The following DGLUCY variants were observed in gnomAD, a reference collection of about 807,000 sequenced individuals.
The protein encoded by DGLUCY is D-glutamate cyclase, also known as D-glutamate cyclase, mitochondrial.
Under a neutral mutation model 58.5 loss-of-function variants are expected in DGLUCY, and 58 were observed. That is an observed-to-expected ratio of 0.99 (90% CI 0.80 to 1.23). The LOEUF (loss-of-function observed/expected upper bound fraction) is 1.23, where lower values mean the gene tolerates loss of function less well. Ranked by LOEUF, DGLUCY falls within the 50% of genes most tolerant of loss-of-function variation. The pLI, the probability that DGLUCY is intolerant of heterozygous loss-of-function variation, is 0.00. For synonymous variants in DGLUCY, 325 were observed against 314.1 expected, an observed-to-expected ratio of 1.03 and a Z score of -0.37; for missense variants, 779 against 784.7, an observed-to-expected ratio of 0.99 and a Z score of 0.09.
At chr14:91,143,954 A>G (rs1264655151) in intron 1 of DGLUCY, among the ~76,000 whole-genome samples, 1 of 152,140 alleles carries the variant, frequency 6.6e-6, no homozygotes, top group Non-Finnish European at 1.5e-5. Context: ...TGTCCTTTCC[A>G]TCCAGCTCTG....
At chr14:91,116,974 TAGAGC>T (rs1441411614) in intron 1 of DGLUCY, among the ~76,000 whole-genome samples, 1 of 149,672 alleles carries the variant, frequency 6.7e-6, no homozygotes, top group African/African-American at 2.5e-5. Flanking sequence ...ACTCCATAGG[TAGAGC>T]AGTGGCATGG....
intron 1 of DGLUCY, among the ~76,000 whole-genome samples, chr14:91,077,379 A>AAAGG (rs201263610): frequency 6.7e-6 from 1 of 148,220 alleles, no homozygotes; most frequent in East Asian, 2.0e-4. Context: ...GGAAGGAAGG[A>AAAGG]AAGGAAGGAA....
chr14:91,157,208 T>TGGGTG (rs1224750867), intron 1 of DGLUCY, among the ~76,000 whole-genome samples: 25 of 147,384 alleles, frequency 1.7e-4, no homozygotes, highest in African/African-American at 6.5e-4. Flanking sequence ...GATGGATGAA[T>TGGGTG]GAATGGGTGG....
At chr14:91,141,128 A>G (rs566116224) in intron 1 of DGLUCY, among the ~76,000 whole-genome samples, 29 of 152,058 alleles carry the variant, frequency 1.9e-4, no homozygotes, top group African/African-American at 5.3e-4. Flanking sequence ...GCTCACACCT[A>G]TAATCCCAGC....
intron 1 of DGLUCY, among the ~76,000 whole-genome samples, chr14:91,135,567 T>C (rs1319144460): frequency 6.7e-6 from 1 of 150,228 alleles, no homozygotes; most frequent in Non-Finnish European, 1.5e-5. Context: ...GGAGAATCAC[T>C]TGAACCTGGG....
chr14:91,204,359 C>T (rs1046405976), intron 11 of DGLUCY, among the ~76,000 whole-genome samples: 4 of 152,142 alleles, frequency 2.6e-5, no homozygotes, highest in Non-Finnish European at 2.9e-5. Context: ...CCGGGGGGCT[C>T]AGTGAGCGGG....
intron 1 of DGLUCY, among the ~76,000 whole-genome samples, chr14:91,100,982 ACT>A (rs1566940299): frequency 6.6e-6 from 1 of 150,538 alleles, no homozygotes; most frequent in Non-Finnish European, 1.5e-5. Context: ...GAAGCAGGAG[ACT>A]CTCTTGAACT....
At chr14:91,195,670 GTTTTTTTT>G (rs1207157314) in intron 9 of DGLUCY, among the ~76,000 whole-genome samples, 2 of 120,672 alleles carry the variant, frequency 1.7e-5, no homozygotes, top group African/African-American at 6.3e-5. Context: ...TTTGGGTTTT[GTTTTTTTT>G]TTTTTTTTTT....
chr14:91,097,533 A>G (rs2044415556), intron 1 of DGLUCY, among the ~76,000 whole-genome samples: 1 of 152,212 alleles, frequency 6.6e-6, no homozygotes, highest in African/African-American at 2.4e-5. Flanking sequence ...ATCTCAATAA[A>G]GCTATTTGTT....
chr14:91,158,200 G>A (rs76799782), intron 2 of DGLUCY, among the ~76,000 whole-genome samples: 4,956 of 152,308 alleles, frequency 0.033, 118 homozygotes, highest in Non-Finnish European at 0.05. Flanking sequence ...GGCTAAGGTG[G>A]TCAGGCTTGC....
rs1376752638 is a variant in DGLUCY at position 91,225,512 on chromosome 14, C to CA, written c.*680dup. 6.6e-6 allele frequency: 1 copy of CA among 152,230 alleles called. No individual in the cohort carries two copies. The highest frequency in any genetic ancestry group is 1.5e-5 in the Non-Finnish European group (1 of 68,058). 9.4% of individuals were successfully genotyped at this position (152,230 alleles called of 1,614,324 possible). ...GATCAGATCGACTGTCATGGTATTG[C>CA]AGTGCTTATATTCAAGAACCTCTTA... On this transcript the variant is annotated 3_prime_UTR_variant, in exon 14 of 14. Coordinates refer to ENST00000256324, the MANE Select transcript of DGLUCY (RefSeq NM_001102368.3).
chr14:91,134,100 T>A (rs577824521), intron 1 of DGLUCY, among the ~76,000 whole-genome samples: 59 of 152,312 alleles, frequency 3.9e-4, no homozygotes, highest in Non-Finnish European at 7.6e-4. Context: ...AACACACACC[T>A]GTCTGTTGCT....
chr14:91,220,518 C>T (rs1278173371), intron 13 of DGLUCY: 3 of 456,370 alleles, frequency 6.6e-6, no homozygotes, highest in Non-Finnish European at 1.3e-5. Context: ...CCAAGGAGAG[C>T]TCCCACAGCC....
chr14:91,074,185 A>G (rs1210350850), intron 1 of DGLUCY, among the ~76,000 whole-genome samples: 7 of 144,784 alleles, frequency 4.8e-5, no homozygotes, highest in African/African-American at 1.5e-4. Context: ...ATTCCCAGCT[A>G]CTTGGGAGGC....
chr14:91,116,144 C>T (rs998403146), intron 1 of DGLUCY, among the ~76,000 whole-genome samples: 2 of 152,112 alleles, frequency 1.3e-5, no homozygotes, highest in East Asian at 1.9e-4. Context: ...CCTTTCCAGG[C>T]GATCTGCCAA....
chr14:91,190,282 C>T (rs566663405), intron 9 of DGLUCY, among the ~76,000 whole-genome samples: 40 of 152,296 alleles, frequency 2.6e-4, no homozygotes, highest in African/African-American at 7.0e-4. Flanking sequence ...CCACCGCGCC[C>T]GGCCTCTGTT....
In DGLUCY at chr14:91,173,488, C is replaced by G. The variant is rs577581173; in HGVS notation, c.607+49C>G. 5.2e-6 allele frequency: 8 copies of G among 1,531,676 alleles called. No homozygotes were observed. In the South Asian group the frequency reaches 1.0e-4, roughly 20 times the overall value. 94.9% of individuals were successfully genotyped at this position (1,531,676 alleles called of 1,614,324 possible). On this transcript the variant is annotated intron_variant, in intron 6 of 13. Coordinates refer to ENST00000256324, the MANE Select transcript of DGLUCY (RefSeq NM_001102368.3). ...ATGATCTTCCTGTTCACATGGGCAACCCAGGTCAGTGTCTCTCGCTCCTGC... is the reference window on the plus strand; with the variant it reads ...ATGATCTTCCTGTTCACATGGGCAAGCCAGGTCAGTGTCTCTCGCTCCTGC...
intron 6 of DGLUCY, 67 bp from the exon 7 acceptor site, chr14:91,175,867 A>T (rs2048823833): frequency 6.4e-7 from 1 of 1,567,584 alleles, no homozygotes; most frequent in Non-Finnish European, 8.7e-7. Context: ...AGAACCATAA[A>T]CTACTCAACC....
At chr14:91,203,295 G>T (rs1324203218) in intron 11 of DGLUCY, among the ~76,000 whole-genome samples, 1 of 152,182 alleles carries the variant, frequency 6.6e-6, no homozygotes, top group Non-Finnish European at 1.5e-5. Context: ...AAGGTGTTTG[G>T]TCCTTCACAA....
Sources: allele counts gnomAD v4.1 joint callset (sites outside exome capture counted in the v4.1 genomes callset), GRCh38; gene constraint gnomAD v4.1.1; transcripts MANE v1.5; gene names NCBI Gene and HGNC (gene_info 2026-07-23, HGNC 2026-07-21).